Variants in SLC38A8 observed in about 807,000 individuals in gnomAD.
SLC38A8 encodes amino acid transporter SLC38A8.
SLC38A8 carries 65 observed loss-of-function variants against 46.0 expected under a neutral mutation model. The ratio of observed to expected loss-of-function variants is 1.41; its 90% CI spans 1.16 to 1.74. SLC38A8 has a LOEUF of 1.74. Ranked by LOEUF, SLC38A8 falls within the 40% of genes most tolerant of loss-of-function variation. The pLI is 0.00. For missense variants in SLC38A8, 998 were observed against 567.9 expected, an observed-to-expected ratio of 1.76 and a Z score of -7.70; for synonymous variants, 447 against 243.7, an observed-to-expected ratio of 1.83 and a Z score of -7.77.
intron 7 of SLC38A8, among the ~76,000 whole-genome samples, chr16:84,021,713 T>C (rs1034225496): frequency 2.0e-5 from 3 of 152,252 alleles, no homozygotes; most frequent in Non-Finnish European, 2.9e-5. Context: ...CCACTCTTGA[T>C]ACCAATTTTC....
intron 2 of SLC38A8, among the ~76,000 whole-genome samples, chr16:84,038,418 A>G (rs1332196435): frequency 6.6e-6 from 1 of 151,676 alleles, no homozygotes; most frequent in Non-Finnish European, 1.5e-5. Flanking sequence ...ACTTGCTTTG[A>G]CTCCTCTACC....
chr16:84,011,173 T>G (rs2084948684), intron 10 of SLC38A8, among the ~76,000 whole-genome samples: 1 of 152,356 alleles, frequency 6.6e-6, no homozygotes, highest in Non-Finnish European at 1.5e-5. Flanking sequence ...GAGGCTAATG[T>G]GCCTGTGGGC....
At chr16:84,025,239 C>G (rs1007133735) in intron 6 of SLC38A8, among the ~76,000 whole-genome samples, 1 of 152,180 alleles carries the variant, frequency 6.6e-6, no homozygotes, top group Non-Finnish European at 1.5e-5. Context: ...CCCACTCTCT[C>G]ACTCCTGGCC....
chr16:84,027,026 T>C (rs2085172377), intron 6 of SLC38A8, among the ~76,000 whole-genome samples: 1 of 152,190 alleles, frequency 6.6e-6, no homozygotes, highest in African/African-American at 2.4e-5. Flanking sequence ...GCACGGTATA[T>C]GCATCCTATC....
chr16:84,012,883 C>T, intron 10 of SLC38A8, 118 bp downstream of exon 10: 2 of 1,133,360 alleles, frequency 1.8e-6, no homozygotes, highest in Non-Finnish European at 1.3e-6. Context: ...CTGTGGCTCG[C>T]AGGTTTCTCA....
At chr16:84,010,394 C>T (rs892680634) in intron 10 of SLC38A8, among the ~76,000 whole-genome samples, 8 of 151,970 alleles carry the variant, frequency 5.3e-5, no homozygotes, top group African/African-American at 7.3e-5. Context: ...AAAAGCCCTC[C>T]GATCCCACCT....
Position 84,016,664 on chromosome 16 carries a change from G to A in SLC38A8, c.1017C>T (p.Ala339=), listed in dbSNP as rs144115936. ...TCCGGACCCACAGCCCTGAGGGGTC[G>A]GCCAGGGCGCTGGGCCCCCATCCCC... ...CLGGWGPSAL[A]DPSGLWVRMP... The change falls in exon 9 of 11, where the codon GCC becomes GCT. Residue 339 remains alanine, a synonymous_variant. Coordinates refer to ENST00000299709, the MANE Select transcript of SLC38A8 (RefSeq NM_001080442.3). 1.3e-4 allele frequency: 215 copies of A among 1,613,532 alleles called. No homozygotes were observed. The highest frequency in any genetic ancestry group is 1.7e-4 in the Non-Finnish European group (203 of 1,180,030).
chr16:84,025,217 C>G (rs891900488), intron 6 of SLC38A8, among the ~76,000 whole-genome samples: 4 of 152,158 alleles, frequency 2.6e-5, no homozygotes, highest in Non-Finnish European at 5.9e-5. Flanking sequence ...GGGGCTGGTT[C>G]CCACCATCAC....
At chr16:84,024,644 G>A (rs2085139930) in intron 6 of SLC38A8, among the ~76,000 whole-genome samples, 1 of 152,062 alleles carries the variant, frequency 6.6e-6, no homozygotes, top group African/African-American at 2.4e-5. Flanking sequence ...AGTCAGGTGT[G>A]GTGGCAAGCA....
intron 2 of SLC38A8, among the ~76,000 whole-genome samples, chr16:84,040,694 C>T (rs2085357281): frequency 6.6e-6 from 1 of 152,188 alleles, no homozygotes. Flanking sequence ...GAAGCTCTTA[C>T]CATTTCCAGT....
chr16:84,026,279 G>C (rs868192946), intron 6 of SLC38A8, among the ~76,000 whole-genome samples: 2 of 152,204 alleles, frequency 1.3e-5, no homozygotes, highest in East Asian at 1.9e-4. Flanking sequence ...GCCCAGGCTG[G>C]AGTACAGTTG....
intron 3 of SLC38A8, among the ~76,000 whole-genome samples, chr16:84,035,185 G>A (rs1051781072): frequency 3.3e-5 from 5 of 152,306 alleles, no homozygotes; most frequent in Non-Finnish European, 5.9e-5. Flanking sequence ...ACACAGCAAC[G>A]CTACCAGTTC....
chr16:84,031,067 G>A (rs184100178), intron 5 of SLC38A8, among the ~76,000 whole-genome samples: 2 of 152,154 alleles, frequency 1.3e-5, no homozygotes, highest in Non-Finnish European at 1.5e-5. Context: ...TTGAGACAGA[G>A]TCTTGCTCTG....
Position 84,036,456 on chromosome 16 carries a change from C to T in SLC38A8, c.388+246G>A, listed in dbSNP as rs1007526541. ...ACTCATCTGTGAAACGACTTATCTC[C>T]ACTGGATATCCTAATTGCAGCCACA... On this transcript the variant is annotated intron_variant, in intron 3 of 10. Transcript: ENST00000299709. Among the ~76,000 whole-genome samples, 24 of 152,360 alleles carry T rather than the reference C, an allele frequency of 1.6e-4. 1 individual carries two copies. Among genetic ancestry groups the T allele is most frequent in the African/African-American group, 4.1e-4 (17 of 41,574 alleles).
In SLC38A8 at chr16:84,029,556, A is replaced by G. The variant is rs778342318; in HGVS notation, c.633-5T>C. 4.3e-6 allele frequency: 7 copies of G among 1,613,940 alleles called. No individual in the cohort carries two copies. Among genetic ancestry groups the G allele is most frequent in the Non-Finnish European group, 5.9e-6 (7 of 1,179,948 alleles). ...ACAGAGGTCCAGGAGGCAGGGCTGT[A>G]AACAGACAAGAACAGGAGTTTATTA... On this transcript the variant is annotated splice_polypyrimidine_tract_variant and splice_region_variant and intron_variant, in intron 5 of 10. Transcript: ENST00000299709.
At chr16:84,028,117 G>T (rs1392726765) in intron 6 of SLC38A8, among the ~76,000 whole-genome samples, 1 of 151,682 alleles carries the variant, frequency 6.6e-6, no homozygotes, top group African/African-American at 2.4e-5. Flanking sequence ...AGAGCTCACT[G>T]ATGGTCAAGG....
At chr16:84,032,052 AG>A in intron 4 of SLC38A8, 84 bp from the exon 5 acceptor site, 7 of 1,197,888 alleles carry the variant, frequency 5.8e-6, no homozygotes, top group African/African-American at 1.5e-5. Context: ...TCTGAATCCC[AG>A]CTCCGCCCTT....
intron 6 of SLC38A8, among the ~76,000 whole-genome samples, chr16:84,024,507 G>A (rs946756454): frequency 9.2e-5 from 14 of 152,036 alleles, no homozygotes; most frequent in African/African-American, 2.9e-4. Flanking sequence ...GCAGGAGGGA[G>A]CGGTGGCTCA....
intron 7 of SLC38A8, among the ~76,000 whole-genome samples, chr16:84,020,363 C>G (rs1423095764): frequency 2.0e-5 from 3 of 151,992 alleles, no homozygotes; most frequent in African/African-American, 4.8e-5. Context: ...CCAGGCTGGC[C>G]TCGAACTCCT....
Sources: allele counts gnomAD v4.1 joint callset (sites outside exome capture counted in the v4.1 genomes callset), GRCh38; gene constraint gnomAD v4.1.1; transcripts MANE v1.5; gene names NCBI Gene and HGNC (gene_info 2026-07-23, HGNC 2026-07-21).